Variants in DNAH10 observed in about 807,000 individuals in gnomAD.
The protein encoded by DNAH10 is axonemal beta dynein heavy chain 10.
DNAH10 carries 348 observed loss-of-function variants against 506.6 expected under a neutral mutation model. The observed-to-expected ratio is 0.69, with a 90% CI of 0.63 to 0.75. The LOEUF is 0.75. Among genes scored for constraint, DNAH10 ranks in the 30% least tolerant of loss-of-function variants. The probability of loss-of-function intolerance (pLI) is 0.00; values close to 1 mark genes in which losing one functional copy is unlikely to be tolerated. For synonymous variants in DNAH10, 2,059 were observed against 2,198.6 expected, an observed-to-expected ratio of 0.94 and a Z score of 1.78; for missense variants, 5,179 against 5,787.1, an observed-to-expected ratio of 0.89 and a Z score of 3.41.
intron 2 of DNAH10, among the ~76,000 whole-genome samples, chr12:123,769,781 C>T (rs1430422110): frequency 6.6e-6 from 1 of 151,082 alleles, no homozygotes; most frequent in Non-Finnish European, 1.5e-5. Context: ...AAAGATGGGG[C>T]CTTGCTCTGT....
intron 21 of DNAH10, among the ~76,000 whole-genome samples, chr12:123,816,522 C>T (rs924013728): frequency 1.3e-5 from 2 of 152,102 alleles, no homozygotes; most frequent in Non-Finnish European, 1.5e-5. Context: ...GCTCTGTGCA[C>T]CCCCCAACCC....
At chr12:123,894,090 T>TTTC in intron 53 of DNAH10, among the ~76,000 whole-genome samples, 1 of 120,358 alleles carries the variant, frequency 8.3e-6, no homozygotes, top group Admixed American at 7.8e-5. Context: ...TCCTTTTTTT[T>TTTC]TTTTTTTTTT....
intron 6 of DNAH10, 103 bp from the exon 7 acceptor site, chr12:123,783,004 A>T: frequency 9.9e-7 from 1 of 1,010,898 alleles, no homozygotes; most frequent in Non-Finnish European, 1.5e-6. Context: ...ACCTTATTAT[A>T]CTGATGAAGC....
rs1187846305 is a variant in DNAH10, at chr12:123,781,086, T to C, written c.628T>C (p.Leu210=). ...FLKNIICQVF[L]PALSFNQHRT... ...CATAAAATTGGCATTTCAGGTTTTT[T>C]TGCCAGCATTGTCCTTCAATCAGCA... The change falls in exon 6 of 79, where the codon TTG becomes CTG. Residue 210 remains leucine (L), a synonymous_variant. Coordinates refer to ENST00000673944, the MANE Select transcript of DNAH10 (RefSeq NM_001372106.1). 1 of 1,592,208 alleles carries C rather than the reference T, an allele frequency of 6.3e-7. No individual in the cohort carries two copies. The highest frequency in any genetic ancestry group is 8.5e-7 in the Non-Finnish European group (1 of 1,172,608).
At chr12:123,808,348 GTC>G (rs566561294) in intron 18 of DNAH10, among the ~76,000 whole-genome samples, 35 of 152,148 alleles carry the variant, frequency 2.3e-4, no homozygotes, top group African/African-American at 8.2e-4. Flanking sequence ...TTAAAATAGT[GTC>G]TCTGGCTGCC....
Position 123,818,935 on chromosome 12 carries a change from G to A in DNAH10, c.3781-15G>A. ...TCATTTGTTGTTTATTCTGTTTTTTGTTTCTCCTAATTAGCCTCCTGATGC... is the reference window on the plus strand; with the variant it reads ...TCATTTGTTGTTTATTCTGTTTTTTATTTCTCCTAATTAGCCTCCTGATGC... On this transcript the variant is annotated splice_polypyrimidine_tract_variant and intron_variant, in intron 21 of 78. Transcript: ENST00000673944. 1 of 1,532,176 alleles carries A rather than the reference G, an allele frequency of 6.5e-7. No individual in the cohort carries two copies. The highest frequency in any genetic ancestry group is 8.9e-7 in the Non-Finnish European group (1 of 1,121,994). The allele number at this position is 1,532,176 out of a possible 1,614,324, so 94.9% of individuals were successfully genotyped here.
At chr12:123,851,947 T>C (rs1391422333) in intron 35 of DNAH10, among the ~76,000 whole-genome samples, 2 of 152,162 alleles carry the variant, frequency 1.3e-5, no homozygotes, top group African/African-American at 4.8e-5. Flanking sequence ...CTAATCTTGC[T>C]TATTTTTTGT....
rs756782034 is a variant in DNAH10, at chr12:123,783,906, C to T, written c.1000-41C>T. Reference sequence around the variant, plus strand: ...AACCACCATAAGTGTCTGCTCCACCCTAATAATGAGAGTTCTTTGTGTGTT... The same window carrying T: ...AACCACCATAAGTGTCTGCTCCACCTTAATAATGAGAGTTCTTTGTGTGTT... On this transcript the variant is annotated intron_variant, in intron 7 of 78. Transcript: ENST00000673944. The T allele has an allele frequency of 3.2e-6, 5 of 1,567,950 alleles. No individual in the cohort carries two copies. The African/African-American group carries it at 6.8e-5, about 21-fold the overall frequency.
chr12:123,845,949 C>T (rs1950934982), intron 31 of DNAH10, 22 bp from the exon 32 acceptor site: 1 of 1,613,294 alleles, frequency 6.2e-7, no homozygotes, highest in East Asian at 2.2e-5. Flanking sequence ...TTTCCACTTC[C>T]TCCACCTTTC....
At chr12:123,891,166 G>A (rs1247279083) in intron 52 of DNAH10, among the ~76,000 whole-genome samples, 1 of 152,110 alleles carries the variant, frequency 6.6e-6, no homozygotes, top group Admixed American at 6.5e-5. Flanking sequence ...TGGCTTGTAG[G>A]CACAGAACTC....
At chr12:123,824,908 G>A (rs1175704601) in intron 24 of DNAH10, among the ~76,000 whole-genome samples, 1 of 152,118 alleles carries the variant, frequency 6.6e-6, no homozygotes, top group African/African-American at 2.4e-5. Context: ...TGAGGTTCTG[G>A]GTGGACGTGC....
rs1171970530 is a variant in DNAH10, at chr12:123,933,506, G to GACAAA, written c.13476_13477insAACAA (p.Gly4493AsnfsTer18). The GACAAA allele has an allele frequency of 6.3e-7, 1 of 1,599,370 alleles. No homozygotes were observed. Among genetic ancestry groups the GACAAA allele is most frequent in the African/African-American group, 1.3e-5 (1 of 74,582 alleles). ...GCAGATGAAGTGAATGAGCGGGCGG[G>GACAAA]ACAAGGTACCGTCAGCTCGTTAGGG... On this transcript the variant is annotated frameshift_variant, in exon 77 of 79. Coordinates refer to ENST00000673944, the MANE Select transcript of DNAH10 (RefSeq NM_001372106.1). LOFTEE classifies it high-confidence loss of function.
Position 123,861,155 on chromosome 12 carries a change from A to G in DNAH10, c.6893A>G (p.Asp2298Gly). The change falls in exon 39 of 79, where the codon GAC becomes GGC. Residue 2298 changes from aspartate to glycine, a missense_variant. Physicochemically the swap from Asp to Gly is moderately conservative, Grantham distance 94 (BLOSUM62 -1). This residue lies in a region of DNAH10 where 4,844 missense variants were observed against 5,430.5 expected (regional missense o/e 0.89). Transcript: ENST00000673944. The part of the protein sequence containing the change: ...NIFREINKPT[D>G]KKERKYILFD... ...TTCAGGGAAATCAACAAGCCAACAG[A>G]CAAGAAGGAGCGAAAGTGAGTATCT... is the stretch of plus-strand genomic sequence containing the variant. The G allele has an allele frequency of 1.9e-6, 3 of 1,613,936 alleles. No homozygotes were observed. The highest frequency in any genetic ancestry group is 2.5e-6 in the Non-Finnish European group (3 of 1,179,868).
Position 123,804,961 on chromosome 12 carries a change from G to A in DNAH10, c.2908G>A (p.Gly970Ser). 1 of 1,614,230 alleles carries A rather than the reference G, an allele frequency of 6.2e-7. No individual in the cohort carries two copies. Among genetic ancestry groups the A allele is most frequent in the Non-Finnish European group, 8.5e-7 (1 of 1,180,044 alleles). ...GGGCCTGGTCGTCCACACCAACACA[G>A]GCAAGGCCCCCAAGCTGGCCTCCTA... Reference protein sequence around the residue: ...VEGLVVHTNTGKAPKLASYYK... With the variant: ...VEGLVVHTNTSKAPKLASYYK... The change falls in exon 18 of 79, where the codon GGC (glycine) becomes AGC (serine). Residue 970 changes from glycine (G) to serine (S), a missense_variant. Gly to Ser is a moderately conservative substitution (Grantham distance 56, BLOSUM62 0). Around this residue, in one of 3 missense-constraint regions of DNAH10, gnomAD observed 4,844 missense variants for 5,430.5 expected, o/e 0.89. Coordinates refer to ENST00000673944, the MANE Select transcript of DNAH10 (RefSeq NM_001372106.1).
At chr12:123,794,213 A>G in intron 12 of DNAH10, 101 bp downstream of exon 12, 2 of 938,906 alleles carry the variant, frequency 2.1e-6, no homozygotes, top group Non-Finnish European at 2.6e-6. Flanking sequence ...CTGAATTCAG[A>G]GAAACTAGAA....
intron 15 of DNAH10, among the ~76,000 whole-genome samples, chr12:123,801,053 A>G (rs12229537): frequency 3.5e-3 from 533 of 152,344 alleles, no homozygotes; most frequent in East Asian, 0.02. Context: ...GGGATCAACA[A>G]TAGTAAACCT....
intron 39 of DNAH10, 139 bp downstream of exon 39, chr12:123,861,309 C>A: frequency 1.8e-6 from 2 of 1,134,546 alleles, no homozygotes; most frequent in Non-Finnish European, 2.4e-6. Flanking sequence ...GGAGGCTGTG[C>A]TTCGGAAGTG....
chr12:123,817,906 T>C (rs1461117861), intron 21 of DNAH10, among the ~76,000 whole-genome samples: 1 of 152,184 alleles, frequency 6.6e-6, no homozygotes, highest in Non-Finnish European at 1.5e-5. Context: ...GGCTTTAGTT[T>C]ATGAAGGGCT....
Position 123,813,924 on chromosome 12 carries a change from T to G in DNAH10, c.3780+12T>G, listed in dbSNP as rs1959044314. The G allele has an allele frequency of 3.8e-6, 6 of 1,565,990 alleles. No individual in the cohort carries two copies. The highest frequency in any genetic ancestry group is 5.2e-6 in the Non-Finnish European group (6 of 1,163,460). On this transcript the variant is annotated intron_variant, in intron 21 of 78. Transcript: ENST00000673944. ...TGTATAACCTCTTTGTAAGTCAACT[T>G]GTATTTTCTTATTCATTTAACAATT...
Sources: allele counts gnomAD v4.1 joint callset (sites outside exome capture counted in the v4.1 genomes callset), GRCh38; gene constraint gnomAD v4.1.1; regional missense constraint gnomAD v4.1.1; transcripts MANE v1.5; gene names NCBI Gene and HGNC (gene_info 2026-07-23, HGNC 2026-07-21).